The following FARP2 variants were observed in gnomAD, a reference collection of about 807,000 sequenced individuals.
The protein encoded by FARP2 is FERM, ARHGEF and pleckstrin domain-containing protein 2.
Under a neutral mutation model 130.5 loss-of-function variants are expected in FARP2, and 111 were observed. That is an observed-to-expected ratio of 0.85 (90% CI 0.73 to 1.00). FARP2 has a LOEUF of 1.00. Among genes scored for constraint, FARP2 ranks in the 50% least tolerant of loss-of-function variants. The pLI, the probability that FARP2 is intolerant of heterozygous loss-of-function variation, is 0.00. For synonymous variants in FARP2, 504 were observed against 516.9 expected (o/e 0.98, Z 0.34); for missense variants, 1,385 against 1,346.3 (o/e 1.03, Z -0.45).
chr2:241,426,028 A>G (rs2062932383), intron 8 of FARP2, among the ~76,000 whole-genome samples: 1 of 151,992 alleles, frequency 6.6e-6, no homozygotes, highest in Non-Finnish European at 1.5e-5. Flanking sequence ...ACACATGTAG[A>G]TTTTTAAAAA....
chr2:241,453,363 C>T (rs2063723892), intron 13 of FARP2, among the ~76,000 whole-genome samples: 1 of 151,650 alleles, frequency 6.6e-6, no homozygotes, highest in Admixed American at 6.6e-5. Flanking sequence ...TGGCTCATGC[C>T]TGTAATCCCA....
intron 18 of FARP2, among the ~76,000 whole-genome samples, chr2:241,472,989 C>T (rs1228216222): frequency 6.6e-6 from 1 of 151,320 alleles, no homozygotes; most frequent in East Asian, 2.0e-4. Flanking sequence ...TGTGGGGACC[C>T]TGTTCTGAGG....
chr2:241,410,855 T>G, intron 5 of FARP2, 178 bp from the exon 6 acceptor site: 2 of 572,456 alleles, frequency 3.5e-6, no homozygotes, highest in Non-Finnish European at 6.3e-6. Context: ...TGGTGACTGT[T>G]TGTTTCATGA....
intron 12 of FARP2, among the ~76,000 whole-genome samples, chr2:241,439,732 CG>C (rs1358437523): frequency 6.6e-6 from 1 of 152,068 alleles, no homozygotes; most frequent in Non-Finnish European, 1.5e-5. Flanking sequence ...GAGGTCAAGG[CG>C]GGCAGATCTC....
intron 13 of FARP2, chr2:241,447,209 C>A (rs559034507): frequency 3.3e-5 from 5 of 152,102 alleles, no homozygotes; most frequent in East Asian, 3.8e-4. Flanking sequence ...GTTAAAGATT[C>A]TTTTGCATAT....
In FARP2 at chr2:241,384,363, G is replaced by A. The variant is rs73116370; in HGVS notation, c.183+11073G>A. 4.0e-4 allele frequency among the ~76,000 whole-genome samples: 61 copies of A among 152,226 alleles called. 1 individual carries two copies. Among genetic ancestry groups the A allele is most frequent in the African/African-American group, 1.4e-3 (58 of 41,546 alleles). ...TGCCACAGTGGTAGAGGGGATCCCA[G>A]TCCTACTTAAAGGCTTTTTCTGGTT... On this transcript the variant is annotated intron_variant, in intron 2 of 26. Transcript: ENST00000264042.
At position 241,471,686 on chromosome 2, in the gene FARP2, G is replaced by A. The variant is rs577280130; in HGVS notation, c.2131+3309G>A. On this transcript the variant is annotated intron_variant, in intron 18 of 26. Transcript: ENST00000264042. ...TTTTTTTTGTATTTTTAATAGAGAC[G>A]GGGTTTCACCGTGTTAGCCAGGATG... 6.3e-4 allele frequency among the ~76,000 whole-genome samples: 96 copies of A among 151,808 alleles called. 1 individual carries two copies. Among genetic ancestry groups the A allele is most frequent in the Middle Eastern group, 3.4e-3 (1 of 294 alleles).
At chr2:241,462,681 C>G (rs1028566480) in intron 15 of FARP2, 69 bp downstream of exon 15, 6 of 1,099,920 alleles carry the variant, frequency 5.5e-6, no homozygotes, top group Non-Finnish European at 8.2e-6. Flanking sequence ...AGAGAAATAT[C>G]TCTTTTTTTT....
At chr2:241,476,950 C>G (rs781174970) in intron 19 of FARP2, among the ~76,000 whole-genome samples, 3 of 152,060 alleles carry the variant, frequency 2.0e-5, no homozygotes, top group Non-Finnish European at 4.4e-5. Context: ...GGTGGGGATG[C>G]TGTTCTGTGG....
intron 17 of FARP2, chr2:241,465,480 GC>G (rs2064144635): frequency 6.4e-7 from 1 of 1,550,428 alleles, no homozygotes; most frequent in Admixed American, 2.0e-5. Flanking sequence ...TCCACGAAGG[GC>G]ATGTAGCAGG....
Position 241,453,768 on chromosome 2 carries a change from G to GTTTTTTTTTTTTTTTTT in FARP2, c.1412-2979_1412-2978insTTTTTTTTTTTTTTTTT, listed in dbSNP as rs1559786201. ...TTGTTTACTGGGAGTGGCACTTACTGGTTTTTTTTTTTTTTTTTTTTTTTT... is the reference window on the plus strand; with the variant it reads ...TTGTTTACTGGGAGTGGCACTTACTGTTTTTTTTTTTTTTTTTGTTTTTTTTTTTTTTTTTTTTTTTT... On this transcript the variant is annotated intron_variant, in intron 13 of 26. Transcript: ENST00000264042. Among the ~76,000 whole-genome samples the GTTTTTTTTTTTTTTTTT allele has an allele frequency of 1.0e-4, 10 of 99,896 alleles. 4 individuals carry two copies. The highest frequency in any genetic ancestry group is 1.3e-4 in the Non-Finnish European group (7 of 52,560). 65.5% of individuals were successfully genotyped at this position (99,896 alleles called of 152,430 possible).
chr2:241,409,929 A>T (rs1021608793), intron 5 of FARP2, among the ~76,000 whole-genome samples: 2 of 152,162 alleles, frequency 1.3e-5, no homozygotes, highest in African/African-American at 4.8e-5. Flanking sequence ...TTAGTCTAGG[A>T]AAGTTTGTAG....
intron 8 of FARP2, among the ~76,000 whole-genome samples, chr2:241,424,006 A>G (rs2150382452): frequency 6.6e-6 from 1 of 152,288 alleles, no homozygotes; most frequent in East Asian, 1.9e-4. Flanking sequence ...CACAATAATA[A>G]TAGGAGACTT....
intron 1 of FARP2, among the ~76,000 whole-genome samples, chr2:241,366,125 A>ATATATATATACG (rs1553705676): frequency 0.042 from 2,821 of 67,024 alleles, 245 homozygotes; most frequent in East Asian, 0.3. Flanking sequence ...ATATATACGT[A>ATATATATATACG]TATATATATA....
At chr2:241,422,528 T>C (rs1466731715) in intron 8 of FARP2, among the ~76,000 whole-genome samples, 1 of 151,744 alleles carries the variant, frequency 6.6e-6, no homozygotes, top group East Asian at 1.9e-4. Context: ...AACACAAAAA[T>C]GCTGAACACT....
At chr2:241,487,518 A>G (rs1280534180) in intron 21 of FARP2, among the ~76,000 whole-genome samples, 1 of 138,004 alleles carries the variant, frequency 7.2e-6, no homozygotes, top group African/African-American at 2.6e-5. Flanking sequence ...AAATACAAAA[A>G]TTAGCCAGGC....
chr2:241,413,286 CT>C lies in FARP2; in HGVS notation c.509-19del. ...TTGTAGTTTATTTAAAAATTAGTTACTTACTTTTAACCTATCTCAGCGGAAA... is the reference window on the plus strand; with the variant it reads ...TTGTAGTTTATTTAAAAATTAGTTACTACTTTTAACCTATCTCAGCGGAAA... On this transcript the variant is annotated intron_variant, in intron 6 of 26. Transcript: ENST00000264042. 1 of 1,478,696 alleles carries C rather than the reference CT, an allele frequency of 6.8e-7. No homozygotes were observed. The highest frequency in any genetic ancestry group is 9.3e-7 in the Non-Finnish European group (1 of 1,073,418). The allele number at this position is 1,478,696 out of a possible 1,614,324, so 91.6% of individuals were successfully genotyped here.
At position 241,434,201 on chromosome 2, in the gene FARP2, A is replaced by AT; in HGVS notation, c.912dup (p.Glu305Ter). The AT allele has an allele frequency of 6.2e-7, 1 of 1,613,860 alleles. No individual in the cohort carries two copies. The highest frequency in any genetic ancestry group is 8.5e-7 in the Non-Finnish European group (1 of 1,179,798). ...TTAGAATTTTTGTTGGGTAGTAGAG[A>AT]TGAATGTAAGAACTTCTGGAAGATT... is the stretch of plus-strand genomic sequence containing the variant. On this transcript the variant is annotated frameshift_variant, in exon 10 of 27. Coordinates refer to ENST00000264042, the MANE Select transcript of FARP2 (RefSeq NM_014808.4). LOFTEE classifies it high-confidence loss of function.
chr2:241,379,842 G>T (rs773444511), intron 2 of FARP2, among the ~76,000 whole-genome samples: 5 of 152,210 alleles, frequency 3.3e-5, no homozygotes, highest in African/African-American at 4.8e-5. Flanking sequence ...GCTATTATGT[G>T]ACTCTGCCCT....
Sources: allele counts gnomAD v4.1 joint callset (sites outside exome capture counted in the v4.1 genomes callset), GRCh38; gene constraint gnomAD v4.1.1; transcripts MANE v1.5; gene names NCBI Gene and HGNC (gene_info 2026-07-23, HGNC 2026-07-21).